The following ASIC2 variants were observed in gnomAD, a reference collection of about 807,000 sequenced individuals.
The protein encoded by ASIC2 is acid-sensing ion channel 2.
A neutral mutation model predicts 57.3 loss-of-function variants in ASIC2; 25 were observed. The ratio of observed to expected loss-of-function variants is 0.44; its 90% CI spans 0.32 to 0.61. The LOEUF is 0.61. Among genes scored for constraint, ASIC2 ranks in the 20% least tolerant of loss-of-function variants. The pLI is 0.06. For synonymous variants in ASIC2, 319 were observed against 307.5 expected (o/e 1.04, Z -0.39); for missense variants, 641 against 738.1 (o/e 0.87, Z 1.52).
At position 33,199,664 on chromosome 17, in the gene ASIC2, C is replaced by T. The variant is rs1427144031; in HGVS notation, c.709-87597G>A. Among the ~76,000 whole-genome samples, 3 of 152,186 alleles carry T rather than the reference C, an allele frequency of 2.0e-5. No homozygotes were observed. The South Asian group carries it at 6.2e-4, about 32-fold the overall frequency. ...AACATGGCCCTGCTCTGGGTAAACA[C>T]ATTTCTAGCTTCAGGTAAATTACTG... On this transcript the variant is annotated intron_variant, in intron 1 of 9. Coordinates refer to ENST00000225823, the MANE Select transcript of ASIC2 (RefSeq NM_183377.2).
intron 1 of ASIC2, among the ~76,000 whole-genome samples, chr17:33,256,294 T>C (rs563228233): frequency 6.6e-6 from 1 of 152,150 alleles, no homozygotes; most frequent in Admixed American, 6.5e-5. Context: ...AGAAATAGGT[T>C]TGAGATACAT....
chr17:33,348,098 TCAAACAAA>T (rs569781797), intron 1 of ASIC2, among the ~76,000 whole-genome samples: 1 of 152,236 alleles, frequency 6.6e-6, no homozygotes, highest in African/African-American at 2.4e-5. Flanking sequence ...AGGCTCTGTC[TCAAACAAA>T]CAAACAAACA....
intron 1 of ASIC2, among the ~76,000 whole-genome samples, chr17:33,441,911 T>C (rs1911837017): frequency 6.6e-6 from 1 of 152,214 alleles, no homozygotes; most frequent in East Asian, 1.9e-4. Flanking sequence ...CTTTTTAAAA[T>C]CTGTCCTTAT....
chr17:34,018,842 C>T (rs1050688946), intron 1 of ASIC2, among the ~76,000 whole-genome samples: 1 of 152,064 alleles, frequency 6.6e-6, no homozygotes, highest in Admixed American at 6.6e-5. Flanking sequence ...TTGCTGCAAT[C>T]TCATGATATA....
chr17:33,048,994 G>T (rs2091965395), intron 3 of ASIC2, among the ~76,000 whole-genome samples: 1 of 152,224 alleles, frequency 6.6e-6, no homozygotes, highest in Non-Finnish European at 1.5e-5. Flanking sequence ...TGTCCACACA[G>T]GATGCCATGT....
intron 1 of ASIC2, among the ~76,000 whole-genome samples, chr17:34,136,574 C>A (rs1912133422): frequency 1.3e-5 from 2 of 152,242 alleles, no homozygotes; most frequent in Non-Finnish European, 2.9e-5. Context: ...TGAATCCAAT[C>A]ATGACTTGGA....
intron 1 of ASIC2, among the ~76,000 whole-genome samples, chr17:33,879,842 C>T (rs561856378): frequency 6.6e-6 from 1 of 152,282 alleles, no homozygotes; most frequent in Admixed American, 6.5e-5. Flanking sequence ...CAAAACTGAC[C>T]ACATAGTTGG....
At chr17:33,769,620 T>G (rs1047518517) in intron 1 of ASIC2, among the ~76,000 whole-genome samples, 1 of 152,216 alleles carries the variant, frequency 6.6e-6, no homozygotes, top group Admixed American at 6.5e-5. Flanking sequence ...CTGCATAAAT[T>G]TAGAAATTCA....
chr17:33,431,810 G>A (rs531583310), intron 1 of ASIC2, among the ~76,000 whole-genome samples: 78 of 151,508 alleles, frequency 5.1e-4, no homozygotes, highest in Admixed American at 1.1e-3. Flanking sequence ...ATCATCATAA[G>A]AACGAAGAGA....
At chr17:33,224,033 A>C (rs1328171424) in intron 1 of ASIC2, among the ~76,000 whole-genome samples, 1 of 152,206 alleles carries the variant, frequency 6.6e-6, no homozygotes, top group Non-Finnish European at 1.5e-5. Context: ...GATTTTACTA[A>C]TAGACCAGCT....
intron 1 of ASIC2, among the ~76,000 whole-genome samples, chr17:33,253,807 G>A (rs1908964857): frequency 6.6e-6 from 1 of 152,196 alleles, no homozygotes. Context: ...AGTATAAAAT[G>A]TGGAAGTGGC....
chr17:33,636,265 C>T (rs1218390766), intron 1 of ASIC2, among the ~76,000 whole-genome samples: 2 of 152,142 alleles, frequency 1.3e-5, no homozygotes, highest in Non-Finnish European at 2.9e-5. Context: ...TTGTGCATTT[C>T]TGAATGTTAT....
At chr17:33,140,992 A>G (rs1463123144) in intron 1 of ASIC2, among the ~76,000 whole-genome samples, 2 of 152,254 alleles carry the variant, frequency 1.3e-5, no homozygotes, top group African/African-American at 4.8e-5. Flanking sequence ...GCAGAGCAAC[A>G]CAGTGGGCTC....
At chr17:33,393,098 C>T (rs1288702289) in intron 1 of ASIC2, among the ~76,000 whole-genome samples, 1 of 152,178 alleles carries the variant, frequency 6.6e-6, no homozygotes, top group African/African-American at 2.4e-5. Flanking sequence ...CTCCTTGCTG[C>T]CTTGTCCGGT....
intron 1 of ASIC2, among the ~76,000 whole-genome samples, chr17:33,929,026 T>C (rs1054460245): frequency 6.6e-6 from 1 of 152,138 alleles, no homozygotes. Context: ...CCCACTCGCA[T>C]GCTTTTACTC....
intron 1 of ASIC2, among the ~76,000 whole-genome samples, chr17:33,838,395 C>T (rs763793054): frequency 3.3e-5 from 5 of 151,998 alleles, no homozygotes; most frequent in Non-Finnish European, 5.9e-5. Flanking sequence ...GAGGCTTCAC[C>T]CAGATCATGT....
intron 1 of ASIC2, among the ~76,000 whole-genome samples, chr17:33,159,025 GAGTT>G (rs1905089266): frequency 6.6e-6 from 1 of 152,220 alleles, no homozygotes; most frequent in African/African-American, 2.4e-5. Flanking sequence ...CTGAGAGTTT[GAGTT>G]AGTGACTGGG....
At chr17:33,174,734 C>A (rs574030667) in intron 1 of ASIC2, among the ~76,000 whole-genome samples, 1 of 152,140 alleles carries the variant, frequency 6.6e-6, no homozygotes, top group African/African-American at 2.4e-5. Context: ...TTTCAGAGCC[C>A]GTGTCCTGGT....
chr17:33,677,479 T>C (rs1183012423), intron 1 of ASIC2, among the ~76,000 whole-genome samples: 1 of 152,260 alleles, frequency 6.6e-6, no homozygotes, highest in Non-Finnish European at 1.5e-5. Context: ...ATTCCCCTGA[T>C]GAATCCGGGC....
Sources: gnomAD v4.1 joint callset for allele counts (sites outside exome capture counted in the v4.1 genomes callset) on GRCh38, gnomAD v4.1.1 for gene constraint, MANE v1.5 for transcripts, NCBI Gene and HGNC (gene_info 2026-07-23, HGNC 2026-07-21) for gene names.